GALNT13: variants seen among roughly 807,000 people sequenced by gnomAD.
GALNT13 encodes UDP-GalNAc:polypeptide N-acetylgalactosaminyltransferase 13.
A neutral mutation model predicts 64.2 loss-of-function variants in GALNT13; 28 were observed. That is an observed-to-expected ratio of 0.44 (90% CI 0.32 to 0.60). GALNT13 has a LOEUF of 0.60. Ranked by LOEUF, GALNT13 falls within the 20% of genes least tolerant of loss-of-function variation. GALNT13 has a pLI of 0.05. For missense variants in GALNT13, 577 were observed against 669.8 expected (o/e 0.86, Z 1.53); for synonymous variants, 214 against 224.6 (o/e 0.95, Z 0.42).
chr2:154,131,382 T>G (rs1260342001), intron 3 of GALNT13, among the ~76,000 whole-genome samples: 1 of 152,208 alleles, frequency 6.6e-6, no homozygotes, highest in Non-Finnish European at 1.5e-5. Flanking sequence ...TTGCTACTTA[T>G]TTTTTCTCAG....
chr2:153,666,852 C>A, the GALNT13 span, among the ~76,000 whole-genome samples: 1 of 151,992 alleles, frequency 6.6e-6, no homozygotes, highest in Non-Finnish European at 1.5e-5. Flanking sequence ...AATTCAGAAT[C>A]AGGGTGGAAA....
intron 3 of GALNT13, among the ~76,000 whole-genome samples, chr2:154,062,908 G>A (rs1343346237): frequency 1.3e-5 from 2 of 151,812 alleles, no homozygotes; most frequent in Non-Finnish European, 2.9e-5. Context: ...TCATTAGGAG[G>A]AATTGCTTTC....
the GALNT13 span, among the ~76,000 whole-genome samples, chr2:153,288,288 C>T: frequency 1.3e-5 from 2 of 152,238 alleles, no homozygotes; most frequent in Non-Finnish European, 2.9e-5. Context: ...TAAACACACA[C>T]ATATATGGAT....
the GALNT13 span, among the ~76,000 whole-genome samples, chr2:153,612,926 C>A: frequency 6.6e-6 from 1 of 152,032 alleles, no homozygotes; most frequent in East Asian, 1.9e-4. Flanking sequence ...TTGTTTCAAC[C>A]ATTTTATTAC....
chr2:153,937,890 G>A (rs1033250518), intron 2 of GALNT13, among the ~76,000 whole-genome samples: 6 of 152,176 alleles, frequency 3.9e-5, no homozygotes, highest in African/African-American at 1.4e-4. Context: ...TATCACATGA[G>A]GTTTCCACGT....
At chr2:153,749,034 T>C in the GALNT13 span, among the ~76,000 whole-genome samples, 2 of 152,090 alleles carry the variant, frequency 1.3e-5, no homozygotes, top group African/African-American at 4.8e-5. Context: ...TCTAGTTTCA[T>C]TCTTCTACAT....
chr2:154,174,464 A>G (rs1315320115), intron 4 of GALNT13, among the ~76,000 whole-genome samples: 1 of 152,136 alleles, frequency 6.6e-6, no homozygotes, highest in Non-Finnish European at 1.5e-5. Flanking sequence ...AAATCTGAGG[A>G]TTTTTTAAGC....
Position 154,052,734 on chromosome 2 carries a change from C to CTT in GALNT13, c.143-87584_143-87583dup, listed in dbSNP as rs548779869. 3.2e-3 allele frequency among the ~76,000 whole-genome samples: 388 copies of CTT among 123,104 alleles called. 7 individuals are homozygous for CTT. Among genetic ancestry groups the CTT allele is most frequent in the East Asian group, 5.4e-3 (23 of 4,250 alleles). 80.8% of individuals were successfully genotyped at this position (123,104 alleles called of 152,430 possible). The stretch of plus-strand genomic sequence containing the variant: ...TTTGTTCACTTTACTACAGAATTGA[C>CTT]TTTTTTTTTTTTTTTTTTTTGAGAC... On this transcript the variant is annotated intron_variant, in intron 3 of 12. Coordinates refer to ENST00000392825, the MANE Select transcript of GALNT13 (RefSeq NM_052917.4).
chr2:153,909,853 T>C (rs184662334), intron 2 of GALNT13, among the ~76,000 whole-genome samples: 3 of 152,010 alleles, frequency 2.0e-5, no homozygotes, highest in Admixed American at 1.3e-4. Context: ...GAGGATTTTT[T>C]AATCTATCCT....
chr2:154,053,345 T>C (rs1312541824), intron 3 of GALNT13, among the ~76,000 whole-genome samples: 1 of 152,142 alleles, frequency 6.6e-6, no homozygotes, highest in Non-Finnish European at 1.5e-5. Flanking sequence ...TAAAGCCTCC[T>C]TTCATCCTTT....
intron 9 of GALNT13, among the ~76,000 whole-genome samples, chr2:154,385,270 ATAAAG>A (rs1698455607): frequency 6.6e-6 from 1 of 151,998 alleles, no homozygotes; most frequent in Non-Finnish European, 1.5e-5. Context: ...TGTCAGATCA[ATAAAG>A]TAACTCATTA....
chr2:153,284,969 A>G, the GALNT13 span, among the ~76,000 whole-genome samples: 1 of 151,300 alleles, frequency 6.6e-6, no homozygotes, highest in African/African-American at 2.4e-5. Context: ...ATTCATGTAC[A>G]TGTATGTTGT....
chr2:154,153,116 A>G (rs1684160027), intron 4 of GALNT13, among the ~76,000 whole-genome samples: 1 of 152,126 alleles, frequency 6.6e-6, no homozygotes, highest in South Asian at 2.1e-4. Context: ...TTTGGTGTGG[A>G]TGTCCTTTCT....
At chr2:153,702,045 A>C in the GALNT13 span, among the ~76,000 whole-genome samples, 1 of 152,190 alleles carries the variant, frequency 6.6e-6, no homozygotes, top group Non-Finnish European at 1.5e-5. Context: ...GTTTATTGCA[A>C]CACTATTCAC....
intron 3 of GALNT13, among the ~76,000 whole-genome samples, chr2:154,046,362 A>C (rs780685302): frequency 6.6e-6 from 1 of 152,110 alleles, no homozygotes; most frequent in African/African-American, 2.4e-5. Context: ...CCATTTGTAG[A>C]TACAAACACA....
chr2:153,326,902 G>GACAGGGTTTA, the GALNT13 span, among the ~76,000 whole-genome samples: 1 of 151,988 alleles, frequency 6.6e-6, no homozygotes, highest in Non-Finnish European at 1.5e-5. Flanking sequence ...TGACAAACAT[G>GACAGGGTTTA]GTGAAACCCT....
chr2:153,963,616 A>G (rs949046138), intron 3 of GALNT13, among the ~76,000 whole-genome samples: 14 of 151,884 alleles, frequency 9.2e-5, no homozygotes, highest in Admixed American at 5.9e-4. Context: ...TAGCCATTTT[A>G]CTGAGTTAAT....
intron 3 of GALNT13, among the ~76,000 whole-genome samples, chr2:154,133,534 TTATATATATATATA>T (rs201083794): frequency 0.01 from 777 of 77,198 alleles, 6 homozygotes; most frequent in African/African-American, 0.026. Flanking sequence ...ACAGACCATT[TTATATATATATATA>T]TATATATATA....
chr2:153,725,224 C>G, the GALNT13 span, among the ~76,000 whole-genome samples: 1 of 146,792 alleles, frequency 6.8e-6, no homozygotes, highest in Non-Finnish European at 1.5e-5. Flanking sequence ...CCAAACACCG[C>G]ATATTCTCCC....
Sources: gnomAD v4.1 joint callset for allele counts (sites outside exome capture counted in the v4.1 genomes callset) on GRCh38, gnomAD v4.1.1 for gene constraint, MANE v1.5 for transcripts, NCBI Gene and HGNC (gene_info 2026-07-23, HGNC 2026-07-21) for gene names.